The following GRIK3 variants were observed in gnomAD, a reference collection of about 807,000 sequenced individuals.
The protein encoded by GRIK3 is glutamate receptor ionotropic, kainate 3.
A neutral mutation model predicts 102.5 loss-of-function variants in GRIK3; 29 were observed. The observed-to-expected ratio is 0.28, with a 90% CI of 0.21 to 0.39. GRIK3 has a LOEUF of 0.39. Among genes scored for constraint, GRIK3 ranks in the 10% least tolerant of loss-of-function variants. GRIK3 has a pLI of 1.00. For missense variants in GRIK3, 908 were observed against 1,252.4 expected, an observed-to-expected ratio of 0.73 and a Z score of 4.15; for synonymous variants, 511 against 504.9, an observed-to-expected ratio of 1.01 and a Z score of -0.16.
At chr1:36,968,258 T>C (rs1642101583) in intron 1 of GRIK3, among the ~76,000 whole-genome samples, 1 of 141,142 alleles carries the variant, frequency 7.1e-6, no homozygotes, top group African/African-American at 3.2e-5. Context: ...TGTGTGTGTG[T>C]GTGTGTGTCT....
chr1:36,968,914 G>A (rs1166478829), intron 1 of GRIK3, among the ~76,000 whole-genome samples: 1 of 152,202 alleles, frequency 6.6e-6, no homozygotes, highest in Non-Finnish European at 1.5e-5. Flanking sequence ...CAGAGACAAA[G>A]CCAAGGCAGG....
chr1:36,963,208 G>C (rs1331741777), intron 1 of GRIK3, among the ~76,000 whole-genome samples: 1 of 152,168 alleles, frequency 6.6e-6, no homozygotes, highest in Non-Finnish European at 1.5e-5. Flanking sequence ...ACTCCATCAG[G>C]CTGGCAGGAC....
intron 13 of GRIK3, among the ~76,000 whole-genome samples, chr1:36,808,938 T>C (rs1373320887): frequency 6.6e-6 from 1 of 152,192 alleles, no homozygotes; most frequent in African/African-American, 2.4e-5. Context: ...CTTTGCCAGA[T>C]ACACGTGTTC....
intron 2 of GRIK3, among the ~76,000 whole-genome samples, chr1:36,888,263 A>G (rs1267247671): frequency 6.6e-6 from 1 of 152,228 alleles, no homozygotes; most frequent in African/African-American, 2.4e-5. Context: ...GATACGAGAC[A>G]AAGCAAAGAG....
chr1:36,829,361 T>A (rs991381191), intron 10 of GRIK3, among the ~76,000 whole-genome samples: 1 of 152,178 alleles, frequency 6.6e-6, no homozygotes, highest in Non-Finnish European at 1.5e-5. Flanking sequence ...ACTTCAAGTC[T>A]ATTCGAGGAA....
At chr1:36,835,480 C>T (rs546232382) in intron 10 of GRIK3, among the ~76,000 whole-genome samples, 5 of 152,352 alleles carry the variant, frequency 3.3e-5, no homozygotes, top group Admixed American at 2.6e-4. Flanking sequence ...TAGTCACCCT[C>T]TATGGCAACC....
chr1:36,963,508 T>G (rs916717887), intron 1 of GRIK3, among the ~76,000 whole-genome samples: 1 of 152,174 alleles, frequency 6.6e-6, no homozygotes, highest in African/African-American at 2.4e-5. Context: ...ATTATCTCAC[T>G]GAGTCCTCAC....
intron 10 of GRIK3, among the ~76,000 whole-genome samples, chr1:36,832,432 C>G (rs1043444189): frequency 6.6e-6 from 1 of 152,190 alleles, no homozygotes; most frequent in African/African-American, 2.4e-5. Flanking sequence ...CCACAGCCTC[C>G]AAGCTTAAGA....
chr1:37,012,935 C>T (rs1642613242), intron 1 of GRIK3, among the ~76,000 whole-genome samples: 1 of 152,194 alleles, frequency 6.6e-6, no homozygotes, highest in Admixed American at 6.5e-5. Context: ...GGTTTCTCTT[C>T]CTGGGATACC....
At chr1:36,860,104 C>T (rs975391717) in intron 5 of GRIK3, 87 bp from the exon 6 acceptor site, 76 of 1,062,590 alleles carry the variant, frequency 7.2e-5, no homozygotes, top group South Asian at 1.9e-4. Context: ...TAATCAGGGC[C>T]GCCCCAGGGC....
At chr1:36,877,643 T>C (rs1254349521) in intron 3 of GRIK3, among the ~76,000 whole-genome samples, 2 of 152,162 alleles carry the variant, frequency 1.3e-5, no homozygotes, top group African/African-American at 2.4e-5. Flanking sequence ...ACCTGAATCC[T>C]CTCCCCTAGC....
chr1:36,847,675 G>A (rs562454949), intron 9 of GRIK3, among the ~76,000 whole-genome samples: 9 of 152,344 alleles, frequency 5.9e-5, no homozygotes, highest in African/African-American at 2.2e-4. Context: ...CTATGAAGTA[G>A]GTGCAGTTAT....
chr1:36,893,400 G>T (rs778715560), intron 1 of GRIK3, among the ~76,000 whole-genome samples: 1 of 152,104 alleles, frequency 6.6e-6, no homozygotes, highest in African/African-American at 2.4e-5. Context: ...CAAAAGAAAA[G>T]AAAATAATAC....
chr1:36,876,562 GA>G (rs1640914074), intron 3 of GRIK3, among the ~76,000 whole-genome samples: 1 of 152,200 alleles, frequency 6.6e-6, no homozygotes, highest in Non-Finnish European at 1.5e-5. Flanking sequence ...TTGTCAGTGA[GA>G]TAACGGTTTA....
At chr1:36,809,355 C>G (rs1343893129) in intron 13 of GRIK3, among the ~76,000 whole-genome samples, 1 of 152,112 alleles carries the variant, frequency 6.6e-6, no homozygotes, top group Non-Finnish European at 1.5e-5. Flanking sequence ...ATCCATCTAT[C>G]CAACCATCTA....
intron 15 of GRIK3, among the ~76,000 whole-genome samples, chr1:36,804,018 T>C (rs1642471605): frequency 6.6e-6 from 1 of 152,224 alleles, no homozygotes; most frequent in African/African-American, 2.4e-5. Flanking sequence ...GTGAAGTTGC[T>C]TTCCAGAAAA....
chr1:37,011,293 G>A (rs1642594253), intron 1 of GRIK3, among the ~76,000 whole-genome samples: 1 of 152,194 alleles, frequency 6.6e-6, no homozygotes, highest in African/African-American at 2.4e-5. Flanking sequence ...AGTGAAATGA[G>A]ATGATGATGA....
chr1:37,009,897 G>C (rs1383449119), intron 1 of GRIK3, among the ~76,000 whole-genome samples: 1 of 152,242 alleles, frequency 6.6e-6, no homozygotes, highest in African/African-American at 2.4e-5. Flanking sequence ...GACTGTTGGG[G>C]GGAGCTTGGA....
intron 1 of GRIK3, among the ~76,000 whole-genome samples, chr1:36,991,179 G>A (rs1364758736): frequency 6.6e-6 from 1 of 152,144 alleles, no homozygotes; most frequent in African/African-American, 2.4e-5. Flanking sequence ...ACACTAAACC[G>A]CAGCTCATCC....
Sources: allele counts gnomAD v4.1 joint callset (sites outside exome capture counted in the v4.1 genomes callset), GRCh38; gene constraint gnomAD v4.1.1; transcripts MANE v1.5; gene names NCBI Gene and HGNC (gene_info 2026-07-23, HGNC 2026-07-21).